The following MMP24 variants were observed in gnomAD, a reference collection of about 807,000 sequenced individuals.
MMP24 encodes matrix metalloproteinase-24.
A neutral mutation model predicts 62.8 loss-of-function variants in MMP24; 25 were observed. That is an observed-to-expected ratio of 0.40 (90% confidence interval 0.29 to 0.56). The LOEUF (loss-of-function observed/expected upper bound fraction) is 0.56. Ranked by LOEUF, MMP24 falls within the 20% of genes least tolerant of loss-of-function variation. MMP24 has a pLI of 0.50. For missense variants in MMP24, 634 were observed against 853.6 expected, an observed-to-expected ratio of 0.74 and a Z score of 3.21; for synonymous variants, 319 against 350.5, an observed-to-expected ratio of 0.91 and a Z score of 1.00.
chr20:35,270,273 G>A (rs934112853), intron 7 of MMP24, among the ~76,000 whole-genome samples: 1 of 152,222 alleles, frequency 6.6e-6, no homozygotes, highest in Admixed American at 6.5e-5. Flanking sequence ...CCAGCACTGT[G>A]CTAGGTTGTT....
At position 35,226,947 on chromosome 20, in the gene MMP24, C is replaced by CGGTG; in HGVS notation, c.210_211insGTGG (p.Arg71ValfsTer26). 1 of 980,132 alleles carries CGGTG rather than the reference C, an allele frequency of 1.0e-6. No individual in the cohort carries two copies. The highest frequency in any genetic ancestry group is 1.2e-6 in the Non-Finnish European group (1 of 828,192). The allele number at this position is 980,132 out of a possible 1,614,324, so 60.7% of individuals were successfully genotyped here. A position where few individuals can be genotyped will look rare whatever the true frequency, so the allele number is the denominator to read the frequency against. On this transcript the variant is annotated frameshift_variant, in exon 1 of 9. Coordinates refer to ENST00000246186, the MANE Select transcript of MMP24 (RefSeq NM_006690.4). LOFTEE classifies it high-confidence loss of function. ...CGGGCAGCGGTGGCGGTGGCGGTGG[C>CGGTG]GCGGGCGGACGAGGCGGAGGCGCCC...
At chr20:35,270,648 G>A (rs1183484639) in intron 7 of MMP24, among the ~76,000 whole-genome samples, 1 of 152,232 alleles carries the variant, frequency 6.6e-6, no homozygotes, top group Non-Finnish European at 1.5e-5. Flanking sequence ...TTCTGAGGTG[G>A]TTCTGGAGCG....
chr20:35,252,020 A>G lies in MMP24; in HGVS notation c.511A>G (p.Ser171Gly). The G allele has an allele frequency of 6.2e-7, 1 of 1,609,348 alleles. No homozygotes were observed. The highest frequency in any genetic ancestry group is 1.3e-5 in the African/African-American group (1 of 74,956). Residue 171 changes from serine to glycine, a missense_variant and splice_region_variant, in exon 3 of 9, where the codon AGC becomes GGC. Coordinates refer to ENST00000246186, the MANE Select transcript of MMP24 (RefSeq NM_006690.4). Reference protein sequence around the residue: ...QKWRQKHITYSIHNYTPKVGE... With the variant: ...QKWRQKHITYGIHNYTPKVGE... ...GTGGAGGCAAAAACACATCACCTAC[A>G]GGTGCTTCGACTCTCCCTCTTCCTC...
At chr20:35,266,175 T>TAAAAAAA (rs35806814) in intron 5 of MMP24, among the ~76,000 whole-genome samples, 1 of 43,034 alleles carries the variant, frequency 2.3e-5, no homozygotes, top group Non-Finnish European at 3.8e-5. Context: ...CCATCTCTGC[T>TAAAAAAA]AAAAAAAAAA....
intron 4 of MMP24, among the ~76,000 whole-genome samples, chr20:35,261,956 A>G (rs1220765483): frequency 6.6e-6 from 1 of 152,010 alleles, no homozygotes; most frequent in Non-Finnish European, 1.5e-5. Context: ...GCAGGCCACC[A>G]TATCTGGCTA....
Position 35,227,049 on chromosome 20 carries a change from C to A in MMP24, c.246+65C>A, listed in dbSNP as rs1279558424. 1,340 of 971,168 alleles carry A rather than the reference C, an allele frequency of 1.4e-3. 1 individual carries two copies. Among genetic ancestry groups the A allele is most frequent in the Non-Finnish European group, 1.6e-3 (1,277 of 820,360 alleles). 60.2% of individuals were successfully genotyped at this position (971,168 alleles called of 1,614,324 possible). A position where few individuals can be genotyped will look rare whatever the true frequency, so the allele number is the denominator to read the frequency against. On this transcript the variant is annotated intron_variant, in intron 1 of 8. Transcript: ENST00000246186. ...ATCCGGGCAGGGCGGGGGGCGGCAC[C>A]GGGGACGGGCCTGGGCCGGGCCGCA...
At chr20:35,267,531 TGGACA>T in intron 6 of MMP24, 112 bp downstream of exon 6, 1 of 1,148,152 alleles carries the variant, frequency 8.7e-7, no homozygotes, top group South Asian at 1.5e-5. Flanking sequence ...CAATGGGGCC[TGGACA>T]GGAGCTAGCC....
rs570642341 is a variant in MMP24 at position 35,239,267 on chromosome 20, G to A, written c.247-7573G>A. On this transcript the variant is annotated intron_variant, in intron 1 of 8. Transcript: ENST00000246186. ...TTGGCCAGGATGGTCTCGATCTCTT[G>A]ACCTCATGATCTGTCTGCCTCGGCC... Among the ~76,000 whole-genome samples the A allele has an allele frequency of 9.9e-5, 15 of 152,052 alleles. No individual in the cohort carries two copies. The East Asian group carries it at 1.7e-3, about 18-fold the overall frequency.
intron 1 of MMP24, among the ~76,000 whole-genome samples, chr20:35,233,556 TA>T (rs1001365627): frequency 6.6e-5 from 10 of 152,072 alleles, no homozygotes; most frequent in South Asian, 6.2e-4. Context: ...TATTGAATAA[TA>T]AAAAAAATTA....
Position 35,274,655 on chromosome 20 carries a change from C to T in MMP24, c.*46C>T. The T allele has an allele frequency of 6.8e-7, 1 of 1,477,010 alleles. No homozygotes were observed. The highest frequency in any genetic ancestry group is 1.3e-5 in the South Asian group (1 of 76,420). 91.5% of individuals were successfully genotyped at this position (1,477,010 alleles called of 1,614,324 possible). On this transcript the variant is annotated 3_prime_UTR_variant, in exon 9 of 9. Coordinates refer to ENST00000246186, the MANE Select transcript of MMP24 (RefSeq NM_006690.4). This position sits in a 1 kb window ranked among gnomAD's most constrained non-coding sequence, Gnocchi z 5.1. ...TCCACTTGGTCTGGCCAGCCAGGCC[C>T]TTCCTCACCAGGGTCTGAGGGGCAG...
At chr20:35,272,594 C>T (rs994256549) in intron 8 of MMP24, among the ~76,000 whole-genome samples, 1 of 152,170 alleles carries the variant, frequency 6.6e-6, no homozygotes, top group Non-Finnish European at 1.5e-5. Flanking sequence ...CACCAGCCCC[C>T]ACGACTGCCA....
intron 5 of MMP24, among the ~76,000 whole-genome samples, chr20:35,266,411 G>C (rs2060636032): frequency 6.7e-6 from 1 of 149,650 alleles, no homozygotes; most frequent in African/African-American, 2.5e-5. Flanking sequence ...TGAACATCCA[G>C]TTTGAAAAGC....
intron 1 of MMP24, among the ~76,000 whole-genome samples, chr20:35,243,039 A>G (rs2146207852): frequency 6.6e-6 from 1 of 152,002 alleles, no homozygotes; most frequent in South Asian, 2.1e-4. Flanking sequence ...TTAGCCAGGC[A>G]GTAGTGGCAT....
intron 5 of MMP24, among the ~76,000 whole-genome samples, chr20:35,265,625 T>A (rs1009604570): frequency 6.6e-6 from 1 of 151,770 alleles, no homozygotes; most frequent in Non-Finnish European, 1.5e-5. Flanking sequence ...AAACCTGTAA[T>A]CCTAGCGCTT....
rs1041577175 is a variant in MMP24 at position 35,257,008 on chromosome 20, G to A, written c.817+2254G>A. ...AGCTCAAACAAGCTTGGGAAACACCGAGCATCCTTTTTTCCTGCCCTGCGG... is the reference window on the plus strand; with the variant it reads ...AGCTCAAACAAGCTTGGGAAACACCAAGCATCCTTTTTTCCTGCCCTGCGG... On this transcript the variant is annotated intron_variant, in intron 4 of 8. Coordinates refer to ENST00000246186, the MANE Select transcript of MMP24 (RefSeq NM_006690.4). Among the ~76,000 whole-genome samples, 4 of 152,138 alleles carry A rather than the reference G, an allele frequency of 2.6e-5. No individual in the cohort carries two copies. In the East Asian group the frequency reaches 5.8e-4, roughly 22 times the overall value.
At chr20:35,237,906 G>T (rs1453362232) in intron 1 of MMP24, among the ~76,000 whole-genome samples, 1 of 152,160 alleles carries the variant, frequency 6.6e-6, no homozygotes, top group Non-Finnish European at 1.5e-5. Context: ...GGTCACAGCA[G>T]TCTCAGCTTA....
At chr20:35,268,585 G>A (rs919291234) in intron 6 of MMP24, among the ~76,000 whole-genome samples, 3 of 152,256 alleles carry the variant, frequency 2.0e-5, no homozygotes, top group Admixed American at 6.5e-5. Context: ...GGATGTGAAA[G>A]TGCTTTGTAA....
At chr20:35,244,305 T>C (rs1049659409) in intron 1 of MMP24, among the ~76,000 whole-genome samples, 4 of 152,210 alleles carry the variant, frequency 2.6e-5, no homozygotes, top group Admixed American at 6.5e-5. Context: ...GAGCCCAGCA[T>C]GTAGCTCCTG....
intron 7 of MMP24, among the ~76,000 whole-genome samples, chr20:35,270,911 G>A (rs113602923): frequency 3.9e-5 from 6 of 152,206 alleles, no homozygotes; most frequent in Admixed American, 6.5e-5. Context: ...ATGGTGGCAC[G>A]TGCCTGTAAT....
Sources: allele counts gnomAD v4.1 joint callset (sites outside exome capture counted in the v4.1 genomes callset), GRCh38; gene constraint gnomAD v4.1.1; non-coding constraint Gnocchi (gnomAD v3.1); transcripts MANE v1.5; gene names NCBI Gene and HGNC (gene_info 2026-07-23, HGNC 2026-07-21).